APELA: variants seen among roughly 807,000 people sequenced by gnomAD.
The protein encoded by APELA is protein Elabela.
At chr4:164,881,455 G>T (rs1330805183) in intron 2 of APELA, among the ~76,000 whole-genome samples, 2 of 151,890 alleles carry the variant, frequency 1.3e-5, no homozygotes, top group African/African-American at 4.8e-5. Flanking sequence ...AGCTCCTAGG[G>T]TCATCCTCAA....
At position 164,892,597 on chromosome 4, in the gene APELA, T is replaced by C. The variant is rs376298271; in HGVS notation, c.*2-2819T>C. Reference sequence around the variant, plus strand: ...ATTGGTCTGCACTTTTCTTATGATGTCTTTTTCTGATTTTGGTATTGGGTA... The same window carrying C: ...ATTGGTCTGCACTTTTCTTATGATGCCTTTTTCTGATTTTGGTATTGGGTA... On this transcript the variant is annotated intron_variant, in intron 2 of 2. Coordinates refer to ENST00000507152, the MANE Select transcript of APELA (RefSeq NM_001297550.2). Among the ~76,000 whole-genome samples the C allele has an allele frequency of 8.1e-4, 123 of 152,328 alleles. 1 individual carries two copies. The highest frequency in any genetic ancestry group is 2.4e-3 in the African/African-American group (99 of 41,582).
In APELA at chr4:164,892,635, C is replaced by T. The variant is rs560522640; in HGVS notation, c.*2-2781C>T. On this transcript the variant is annotated intron_variant, in intron 2 of 2. Coordinates refer to ENST00000507152, the MANE Select transcript of APELA (RefSeq NM_001297550.2). ...TTGGTATTGGGTAACCATAAAATGACGTGGGAAGTGTTTTCTCCTCTTCTA... is the reference window on the plus strand; with the variant it reads ...TTGGTATTGGGTAACCATAAAATGATGTGGGAAGTGTTTTCTCCTCTTCTA... Among the ~76,000 whole-genome samples, 184 of 152,122 alleles carry T rather than the reference C, an allele frequency of 1.2e-3. 4 individuals carry two copies. The highest frequency in any genetic ancestry group is 1.4e-3 in the Non-Finnish European group (93 of 67,984).
At chr4:164,897,550 AT>A (rs1427535345), downstream of APELA, 2 of 152,254 alleles carry the variant, frequency 1.3e-5, no homozygotes, top group African/African-American at 4.8e-5. Context: ...CTTACTTTGT[AT>A]AAGAAATGTT....
Position 164,896,812 on chromosome 4 carries a change from G to T in APELA, c.*1398G>T, listed in dbSNP as rs2111073839. 6.6e-6 allele frequency: 1 copy of T among 151,434 alleles called. No homozygotes were observed. The highest frequency in any genetic ancestry group is 1.5e-5 in the Non-Finnish European group (1 of 67,900). The allele number at this position is 151,434 out of a possible 1,614,324, so 9.4% of individuals were successfully genotyped here. A position where few individuals can be genotyped will look rare whatever the true frequency, so the allele number is the denominator to read the frequency against. On this transcript the variant is annotated 3_prime_UTR_variant, in exon 3 of 3. Transcript: ENST00000507152. ...TTTTTTTTTCTTTTTTTTAAGATGA[G>T]ATCTGGCTCTATCACCCAGGCTAAA...
At chr4:164,886,485 C>T (rs1279669184) in intron 2 of APELA, among the ~76,000 whole-genome samples, 4 of 151,916 alleles carry the variant, frequency 2.6e-5, no homozygotes, top group Admixed American at 6.6e-5. Flanking sequence ...GACACTGTCT[C>T]TACAAAAAAT....
intron 2 of APELA, among the ~76,000 whole-genome samples, chr4:164,887,639 TTCTC>T (rs920210576): frequency 4.6e-5 from 7 of 151,910 alleles, no homozygotes; most frequent in African/African-American, 1.7e-4. Context: ...GAGATGGAGT[TTCTC>T]TCTTGTCACC....
chr4:164,882,939 T>C (rs560482128), intron 2 of APELA, among the ~76,000 whole-genome samples: 1 of 152,348 alleles, frequency 6.6e-6, no homozygotes, highest in South Asian at 2.1e-4. Context: ...TTTTTATGGC[T>C]GCATGGTATT....
intron 2 of APELA, among the ~76,000 whole-genome samples, chr4:164,884,121 GA>G (rs1730718306): frequency 3.7e-4 from 42 of 113,378 alleles, no homozygotes; most frequent in African/African-American, 1.3e-3. Flanking sequence ...AAGAAAGAAA[GA>G]GAAAGAAAGA....
intron 2 of APELA, among the ~76,000 whole-genome samples, chr4:164,884,121 G>GAAAGAAAGAA (rs5863729): frequency 0.046 from 5,265 of 113,342 alleles, 197 homozygotes; most frequent in South Asian, 0.066. Flanking sequence ...AAGAAAGAAA[G>GAAAGAAAGAA]AGAAAGAAAG....
At chr4:164,882,649 G>T (rs1730675582) in intron 2 of APELA, among the ~76,000 whole-genome samples, 1 of 151,920 alleles carries the variant, frequency 6.6e-6, no homozygotes, top group Non-Finnish European at 1.5e-5. Context: ...ACAACGTGCA[G>T]GTTTGTTACA....
rs538855547 is a variant in APELA at position 164,878,333 on chromosome 4, A to G, written c.77-587A>G. 2.6e-5 allele frequency among the ~76,000 whole-genome samples: 4 copies of G among 152,316 alleles called. No individual in the cohort carries two copies. The East Asian group carries it at 7.7e-4, about 29-fold the overall frequency. ...CACTTGATAATATACTTCTTCAGTT[A>G]GAACAGAAAACGATGCATCACTTGT... On this transcript the variant is annotated intron_variant, in intron 1 of 2. Coordinates refer to ENST00000507152, the MANE Select transcript of APELA (RefSeq NM_001297550.2).
intron 2 of APELA, among the ~76,000 whole-genome samples, chr4:164,879,893 A>G (rs1211905652): frequency 1.3e-5 from 2 of 152,218 alleles, no homozygotes; most frequent in African/African-American, 4.8e-5. Context: ...TCTTAAGGAT[A>G]AATTCTGGTA....
intron 2 of APELA, among the ~76,000 whole-genome samples, chr4:164,885,581 A>T (rs1474723327): frequency 6.6e-6 from 1 of 152,036 alleles, no homozygotes; most frequent in Non-Finnish European, 1.5e-5. Flanking sequence ...TCTCTACTGA[A>T]AATACAAAAA....
intron 2 of APELA, among the ~76,000 whole-genome samples, chr4:164,886,729 T>C (rs529028453): frequency 6.6e-6 from 1 of 152,188 alleles, no homozygotes; most frequent in Non-Finnish European, 1.5e-5. Flanking sequence ...TATAGTGATG[T>C]TTATATTATA....
intron 2 of APELA, among the ~76,000 whole-genome samples, 200 bp from the exon 3 acceptor site, chr4:164,895,216 G>A (rs1730950911): frequency 6.6e-6 from 1 of 152,040 alleles, no homozygotes; most frequent in Admixed American, 6.6e-5. Context: ...TAAAATAAAA[G>A]TTTAAATTCA....
intron 2 of APELA, among the ~76,000 whole-genome samples, chr4:164,879,483 C>T (rs1437327479): frequency 6.6e-6 from 1 of 152,092 alleles, no homozygotes; most frequent in Non-Finnish European, 1.5e-5. Flanking sequence ...CTTGCTCTGT[C>T]ACCCAGGCTG....
intron 2 of APELA, among the ~76,000 whole-genome samples, chr4:164,889,089 C>T (rs13108597): frequency 0.18 from 27,422 of 151,592 alleles, 2,597 homozygotes; most frequent in African/African-American, 0.21. Context: ...CTGCTAGATC[C>T]GCCTCCCGGG....
chr4:164,892,649 T>G (rs1730904817), intron 2 of APELA, among the ~76,000 whole-genome samples: 1 of 152,182 alleles, frequency 6.6e-6, no homozygotes, highest in Non-Finnish European at 1.5e-5. Flanking sequence ...GGAAGTGTTT[T>G]CTCCTCTTCT....
chr4:164,891,062 T>C (rs1730873131), intron 2 of APELA, among the ~76,000 whole-genome samples: 2 of 152,194 alleles, frequency 1.3e-5, no homozygotes, highest in African/African-American at 4.8e-5. Context: ...CATTTTTCAG[T>C]TGGATTATTT....
Sources: gnomAD v4.1 joint callset for allele counts (sites outside exome capture counted in the v4.1 genomes callset) on GRCh38, gnomAD v4.1.1 for gene constraint, MANE v1.5 for transcripts, NCBI Gene and HGNC (gene_info 2026-07-23, HGNC 2026-07-21) for gene names.